The following PCDHA9 variants were observed in gnomAD, a reference collection of about 807,000 sequenced individuals.
PCDHA9 encodes the protein protocadherin alpha-9.
A neutral mutation model predicts 62.0 loss-of-function variants in PCDHA9; 62 were observed. That is an observed-to-expected ratio of 1.00 (90% CI 0.81 to 1.23). PCDHA9 has a LOEUF of 1.23. Among genes scored for constraint, PCDHA9 ranks in the 50% most tolerant of loss-of-function variants. The pLI is 0.00. For missense variants in PCDHA9, 1,205 were observed against 1,249.8 expected, an observed-to-expected ratio of 0.96 and a Z score of 0.54; for synonymous variants, 557 against 567.6, an observed-to-expected ratio of 0.98 and a Z score of 0.27.
Position 140,849,861 on chromosome 5 carries a change from G to A in PCDHA9, c.1366G>A (p.Ala456Thr), listed in dbSNP as rs2150454483. 1.9e-6 allele frequency: 3 copies of A among 1,598,586 alleles called. No homozygotes were observed. The highest frequency in any genetic ancestry group is 3.4e-5 in the Admixed American group (2 of 59,310). The change falls in exon 1 of 4, where the codon GCG (alanine) becomes ACG (threonine). Residue 456 changes from alanine to threonine, a missense_variant. Ala to Thr is a moderately conservative substitution (Grantham distance 58). Around this residue, in one of 3 missense-constraint regions of PCDHA9, gnomAD observed 887 missense variants for 809.5 expected, o/e 1.10. Coordinates refer to ENST00000532602, the MANE Select transcript of PCDHA9 (RefSeq NM_031857.2). ...CGTGAACGACAACGCACCAGCGTTC[G>A]CGCAGTCCGAGTACACGGTGTTCGT... ...ADVNDNAPAFAQSEYTVFVKE... is the reference protein window; with the variant it reads ...ADVNDNAPAFTQSEYTVFVKE...
chr5:140,921,101 C>T (rs1331761775), intron 1 of PCDHA9, among the ~76,000 whole-genome samples: 3 of 152,002 alleles, frequency 2.0e-5, no homozygotes, highest in African/African-American at 4.8e-5. Context: ...CTGCCTCAGT[C>T]TCCTAAGTAG....
intron 1 of PCDHA9, chr5:140,853,500 T>C (rs2042770346): frequency 1.0e-6 from 1 of 977,532 alleles, no homozygotes; most frequent in Non-Finnish European, 1.2e-6. Flanking sequence ...GTTAGAATCA[T>C]GAAACAATAA....
In PCDHA9 at chr5:141,011,225, A is replaced by G. The variant is rs962544716; in HGVS notation, c.*1288A>G. ...ATACAGTGAGCAGATTTTTCAATCT[A>G]CTAATTCTGTGACTTGTCTTGGTGT... On this transcript the variant is annotated 3_prime_UTR_variant, in exon 4 of 4. Transcript: ENST00000532602. 6.5e-6 allele frequency: 1 copy of G among 153,740 alleles called. No homozygotes were observed. Among genetic ancestry groups the G allele is most frequent in the South Asian group, 2.1e-4 (1 of 4,826 alleles). The allele number at this position is 153,740 out of a possible 1,614,324, so 9.5% of individuals were successfully genotyped here.
At chr5:140,856,866 A>G in intron 1 of PCDHA9, 1 of 1,595,900 alleles carries the variant, frequency 6.3e-7, no homozygotes, top group Non-Finnish European at 8.6e-7. Flanking sequence ...GAAGGAATAA[A>G]CAAGGAAATG....
At chr5:140,870,338 T>C in intron 1 of PCDHA9, 1 of 1,614,186 alleles carries the variant, frequency 6.2e-7, no homozygotes, top group Non-Finnish European at 8.5e-7. Context: ...GACAGCGCCC[T>C]GGACCGCGAG....
intron 1 of PCDHA9, chr5:140,877,039 C>A (rs782458785): frequency 6.2e-7 from 1 of 1,612,458 alleles, no homozygotes; most frequent in African/African-American, 1.3e-5. Context: ...GCTGCAGCCG[C>A]TAGACCACGA....
Position 140,848,772 on chromosome 5 carries a change from G to C in PCDHA9, c.277G>C (p.Glu93Gln), listed in dbSNP as rs2150420106. 4 of 1,593,480 alleles carry C rather than the reference G, an allele frequency of 2.5e-6. No individual in the cohort carries two copies. In the African/African-American group the frequency reaches 5.4e-5, roughly 21 times the overall value. ...GTTTGTGAATTCTCGGATCGACCGC[G>C]AGGAGCTGTGCGGGCGGAGCGCGGA... ...ILFVNSRIDR[E>Q]ELCGRSAECS... The change falls in exon 1 of 4, where the codon GAG becomes CAG. Residue 93 changes from glutamate (E) to glutamine (Q), a missense_variant. Coordinates refer to ENST00000532602, the MANE Select transcript of PCDHA9 (RefSeq NM_031857.2).
rs1554150153 is a variant in PCDHA9 at position 140,857,511 on chromosome 5, T to C, written c.2394+6622T>C. 5 of 1,598,148 alleles carry C rather than the reference T, an allele frequency of 3.1e-6. No homozygotes were observed. In the South Asian group the frequency reaches 5.5e-5, roughly 18 times the overall value. On this transcript the variant is annotated intron_variant, in intron 1 of 3. Transcript: ENST00000532602. ...GACGCGGACGCGCAGGAGAACGCCC[T>C]GGTGTCCTACTCTCTGGTGGAGCGG...
chr5:140,870,726 G>A (rs782321328), intron 1 of PCDHA9: 15 of 1,613,118 alleles, frequency 9.3e-6, no homozygotes, highest in East Asian at 2.2e-5. Flanking sequence ...ATGCGGGCGT[G>A]CCGCCTCTGA....
At chr5:140,905,197 T>A (rs2071673542) in intron 1 of PCDHA9, among the ~76,000 whole-genome samples, 1 of 152,220 alleles carries the variant, frequency 6.6e-6, no homozygotes. Flanking sequence ...TTGATCCATC[T>A]TGAGTTGATT....
chr5:140,901,234 T>A (rs1013983503), intron 1 of PCDHA9, among the ~76,000 whole-genome samples: 4 of 152,156 alleles, frequency 2.6e-5, no homozygotes, highest in African/African-American at 9.7e-5. Context: ...ATATATCCAT[T>A]TTTTTCCTTT....
At chr5:140,907,287 G>C (rs1179027055) in intron 1 of PCDHA9, among the ~76,000 whole-genome samples, 1 of 152,178 alleles carries the variant, frequency 6.6e-6, no homozygotes, top group Non-Finnish European at 1.5e-5. Flanking sequence ...TATCAATCCA[G>C]CTGCTTCAGG....
At chr5:141,005,130 T>C (rs2153983471) in intron 3 of PCDHA9, among the ~76,000 whole-genome samples, 1 of 152,358 alleles carries the variant, frequency 6.6e-6, no homozygotes, top group South Asian at 2.1e-4. Flanking sequence ...CAAAAGTGCC[T>C]CATTGGAGAG....
At chr5:140,883,786 C>G in intron 1 of PCDHA9, 1 of 1,612,422 alleles carries the variant, frequency 6.2e-7, no homozygotes, top group Admixed American at 1.7e-5. Flanking sequence ...CGCTGTCGAG[C>G]TACGTGTCGG....
chr5:140,948,349 T>C (rs1262551459), intron 1 of PCDHA9, among the ~76,000 whole-genome samples: 2 of 151,624 alleles, frequency 1.3e-5, no homozygotes, highest in African/African-American at 4.8e-5. Context: ...ATTTCTAACC[T>C]AATAAAATGA....
chr5:140,900,840 T>C (rs6874218), intron 1 of PCDHA9, among the ~76,000 whole-genome samples: 1 of 151,950 alleles, frequency 6.6e-6, no homozygotes, highest in Admixed American at 6.6e-5. Flanking sequence ...ATGTACAAAG[T>C]TTCCCTTTTT....
intron 1 of PCDHA9, chr5:140,876,601 C>G: frequency 6.2e-7 from 1 of 1,614,152 alleles, no homozygotes; most frequent in Non-Finnish European, 8.5e-7. Context: ...CGTGTCGGAT[C>G]GTGACTCTGG....
intron 3 of PCDHA9, among the ~76,000 whole-genome samples, chr5:140,992,185 C>G (rs1554252730): frequency 1.3e-5 from 2 of 152,102 alleles, no homozygotes; most frequent in African/African-American, 4.8e-5. Context: ...ATCATGCTTT[C>G]AGTGATCTAT....
intron 1 of PCDHA9, chr5:140,884,152 T>C (rs1279761986): frequency 1.9e-6 from 3 of 1,613,332 alleles, no homozygotes; most frequent in East Asian, 2.2e-5. Flanking sequence ...GGCTGTACAC[T>C]GGCGAGATCA....
Sources: gnomAD v4.1 joint callset for allele counts (sites outside exome capture counted in the v4.1 genomes callset) on GRCh38, gnomAD v4.1.1 for gene constraint, gnomAD v4.1.1 regional missense constraint, MANE v1.5 for transcripts, NCBI Gene and HGNC (gene_info 2026-07-23, HGNC 2026-07-21) for gene names.